The following RAB7B variants were observed in gnomAD, a reference collection of about 807,000 sequenced individuals.
The protein encoded by RAB7B is RAB7B, member RAS oncogene family.
intron 1 of RAB7B, among the ~76,000 whole-genome samples, chr1:205,998,224 C>T (rs1246150074): frequency 2.0e-5 from 3 of 152,128 alleles, no homozygotes; most frequent in Non-Finnish European, 4.4e-5. Flanking sequence ...GGCTTGTTGG[C>T]TCACACCTGT....
At position 206,001,648 on chromosome 1, in the gene RAB7B, C is replaced by G. The variant is rs1197169913; in HGVS notation, c.-17+1605G>C. ...GCAGGACTCTGCCTTCAGCCAGCCC[C>G]GGTCCACACAGAGCAGAACTTGCGG... On this transcript the variant is annotated intron_variant, in intron 1 of 5. Coordinates refer to ENST00000617070, the MANE Select transcript of RAB7B (RefSeq NM_001164522.3). 1.3e-5 allele frequency among the ~76,000 whole-genome samples: 2 copies of G among 152,168 alleles called. 1 individual carries two copies. Among genetic ancestry groups the G allele is most frequent in the South Asian group, 4.1e-4 (2 of 4,830 alleles).
intron 1 of RAB7B, among the ~76,000 whole-genome samples, chr1:205,997,840 T>G (rs911430540): frequency 6.6e-6 from 1 of 152,138 alleles, no homozygotes; most frequent in Non-Finnish European, 1.5e-5. Flanking sequence ...ACACAATGCC[T>G]TAGAAAGAGA....
intron 5 of RAB7B, chr1:205,984,338 G>A (rs1660552311): frequency 6.6e-6 from 1 of 152,262 alleles, no homozygotes; most frequent in South Asian, 2.1e-4. Context: ...CTTTCTCTCT[G>A]GGACAACCCC....
intron 5 of RAB7B, chr1:205,983,700 C>T (rs1254832439): frequency 1.3e-5 from 2 of 152,192 alleles, no homozygotes; most frequent in Admixed American, 6.5e-5. Context: ...GACCTCCAGA[C>T]TTCTGATCAG....
intron 1 of RAB7B, among the ~76,000 whole-genome samples, chr1:205,996,340 C>T (rs1660813110): frequency 6.6e-6 from 1 of 152,132 alleles, no homozygotes; most frequent in South Asian, 2.1e-4. Flanking sequence ...TGACTCTGCT[C>T]AGATGAGGTG....
chr1:205,978,543 T>G lies in RAB7B; in HGVS notation c.*308A>C. ...GATGTGTGTTCTGGAGCGGGAGTGT[T>G]TGAGGGGTGGATGGGTGGGGAAAGC... On this transcript the variant is annotated 3_prime_UTR_variant, in exon 6 of 6. Coordinates refer to ENST00000617070, the MANE Select transcript of RAB7B (RefSeq NM_001164522.3). The G allele has an allele frequency of 8.2e-6, 2 of 245,116 alleles. No individual in the cohort carries two copies. The highest frequency in any genetic ancestry group is 7.5e-5 in the East Asian group (1 of 13,370). 15.2% of individuals were successfully genotyped at this position (245,116 alleles called of 1,614,324 possible).
At chr1:205,982,116 C>T (rs948337301) in intron 5 of RAB7B, among the ~76,000 whole-genome samples, 2 of 152,250 alleles carry the variant, frequency 1.3e-5, no homozygotes, top group African/African-American at 4.8e-5. Flanking sequence ...AGAACTCAGA[C>T]GTTTCCACCT....
chr1:205,983,721 C>T (rs1660539379), intron 5 of RAB7B: 1 of 152,068 alleles, frequency 6.6e-6, no homozygotes, highest in African/African-American at 2.4e-5. Context: ...TGCACATGCC[C>T]CATAAACATG....
At chr1:205,983,046 G>C in intron 5 of RAB7B, among the ~76,000 whole-genome samples, 1 of 152,242 alleles carries the variant, frequency 6.6e-6, no homozygotes, top group South Asian at 2.1e-4. Context: ...TGAGCACCTC[G>C]GGCAGCCTAG....
At chr1:205,979,692 G>A (rs920483949) in intron 5 of RAB7B, among the ~76,000 whole-genome samples, 8 of 152,252 alleles carry the variant, frequency 5.3e-5, no homozygotes, top group South Asian at 4.1e-4. Context: ...GAGCTCAATC[G>A]CGTTCATGTT....
intron 4 of RAB7B, among the ~76,000 whole-genome samples, chr1:205,990,557 G>C (rs1042581020): frequency 6.6e-6 from 1 of 152,134 alleles, no homozygotes; most frequent in East Asian, 1.9e-4. Context: ...AGAGCAACAG[G>C]CTGGGGCTGG....
chr1:205,991,412 C>T (rs1660720136), intron 4 of RAB7B, among the ~76,000 whole-genome samples: 1 of 152,170 alleles, frequency 6.6e-6, no homozygotes, highest in Middle Eastern at 3.2e-3. Flanking sequence ...ACCGATGACT[C>T]GTAGATCTCT....
At chr1:206,001,277 C>CTT (rs1263017651) in intron 1 of RAB7B, among the ~76,000 whole-genome samples, 7 of 144,996 alleles carry the variant, frequency 4.8e-5, no homozygotes, top group South Asian at 2.2e-4. Context: ...CAGTAGCCGT[C>CTT]TTTTTTTTTT....
chr1:205,996,578 G>T (rs1299860232), intron 1 of RAB7B, among the ~76,000 whole-genome samples: 3 of 152,224 alleles, frequency 2.0e-5, no homozygotes, highest in African/African-American at 7.2e-5. Flanking sequence ...TTGGCCATGA[G>T]AGCTGTGCTT....
chr1:205,976,770 G>C lies in RAB7B; in HGVS notation c.*2081C>G, dbSNP rs1660383875. The C allele has an allele frequency of 6.6e-6, 1 of 152,160 alleles. No homozygotes were observed. Among genetic ancestry groups the C allele is most frequent in the Non-Finnish European group, 1.5e-5 (1 of 68,028 alleles). 9.4% of individuals were successfully genotyped at this position (152,160 alleles called of 1,614,324 possible). ...ACAAAGAAGGACACATTTATTATTT[G>C]TTGTGCACCTTTAGAAATGGTCCAC... On this transcript the variant is annotated 3_prime_UTR_variant, in exon 6 of 6. Coordinates refer to ENST00000617070, the MANE Select transcript of RAB7B (RefSeq NM_001164522.3).
intron 4 of RAB7B, among the ~76,000 whole-genome samples, chr1:205,987,038 T>C (rs1660620209): frequency 6.6e-6 from 1 of 152,238 alleles, no homozygotes. Context: ...TAATCTCATT[T>C]TTCCCTGCTC....
intron 1 of RAB7B, among the ~76,000 whole-genome samples, chr1:206,000,586 T>A (rs1166898998): frequency 6.6e-6 from 1 of 152,204 alleles, no homozygotes; most frequent in Non-Finnish European, 1.5e-5. Context: ...CCTCTGCAGG[T>A]GACATGTGTC....
At chr1:205,981,840 T>A (rs1056791601) in intron 5 of RAB7B, among the ~76,000 whole-genome samples, 3,499 of 32,470 alleles carry the variant, frequency 0.11, 187 homozygotes, top group Middle Eastern at 0.13. Context: ...TTAACTGAAC[T>A]CCTACTGTGG....
At chr1:205,987,766 G>A (rs1660638420) in intron 4 of RAB7B, among the ~76,000 whole-genome samples, 1 of 151,844 alleles carries the variant, frequency 6.6e-6, no homozygotes, top group Non-Finnish European at 1.5e-5. Flanking sequence ...ATTACCTTCT[G>A]TAGAAGGAAC....
Sources: allele counts gnomAD v4.1 joint callset (sites outside exome capture counted in the v4.1 genomes callset), GRCh38; gene constraint gnomAD v4.1.1; transcripts MANE v1.5; gene names NCBI Gene and HGNC (gene_info 2026-07-23, HGNC 2026-07-21).